Variants in WWC1 observed in about 807,000 individuals in gnomAD.
The protein encoded by WWC1 is WW and C2 domain containing 1.
Under a neutral mutation model 138.4 loss-of-function variants are expected in WWC1, and 55 were observed. The ratio of observed to expected loss-of-function variants is 0.40; its 90% confidence interval spans 0.32 to 0.50. The LOEUF (loss-of-function observed/expected upper bound fraction) is 0.50. WWC1 is among the 20% of genes least tolerant of loss of function. The pLI is 0.72. For missense variants in WWC1, 1,226 were observed against 1,420.4 expected (o/e 0.86, Z 2.20); for synonymous variants, 524 against 564.9 (o/e 0.93, Z 1.03).
At chr5:168,302,492 G>A (rs1770179348) in intron 1 of WWC1, among the ~76,000 whole-genome samples, 1 of 152,134 alleles carries the variant, frequency 6.6e-6, no homozygotes, top group African/African-American at 2.4e-5. Context: ...GGACAGACCT[G>A]GTGACACCTG....
chr5:168,366,651 T>A (rs1403881336), intron 1 of WWC1, among the ~76,000 whole-genome samples: 1 of 152,098 alleles, frequency 6.6e-6, no homozygotes, highest in Non-Finnish European at 1.5e-5. Flanking sequence ...GGCTCTGACA[T>A]CTCAACGTGT....
chr5:168,380,687 G>A (rs1178618237), intron 2 of WWC1, among the ~76,000 whole-genome samples: 3 of 152,092 alleles, frequency 2.0e-5, no homozygotes, highest in African/African-American at 7.2e-5. Context: ...TTTTGTCCAA[G>A]AGAAGTGAAA....
chr5:168,302,786 T>G (rs942234781), intron 1 of WWC1, among the ~76,000 whole-genome samples: 5 of 152,204 alleles, frequency 3.3e-5, no homozygotes, highest in Non-Finnish European at 7.3e-5. Context: ...ATTTGTTGGA[T>G]AGTGTACCTG....
intron 15 of WWC1, among the ~76,000 whole-genome samples, chr5:168,438,183 C>T (rs1252562164): frequency 6.6e-6 from 1 of 152,158 alleles, no homozygotes; most frequent in African/African-American, 2.4e-5. Context: ...CTCTCAGAAA[C>T]CACCTTTCAC....
At chr5:168,360,850 A>G (rs1775829642) in intron 1 of WWC1, among the ~76,000 whole-genome samples, 1 of 152,372 alleles carries the variant, frequency 6.6e-6, no homozygotes, top group African/African-American at 2.4e-5. Context: ...CTCAAGGAGC[A>G]GAAGATTCTG....
chr5:168,296,151 G>A (rs1769522799), intron 1 of WWC1, among the ~76,000 whole-genome samples: 1 of 152,232 alleles, frequency 6.6e-6, no homozygotes. Context: ...TGTTCTCGGA[G>A]GAAGAATAGA....
At chr5:168,305,803 C>G (rs891314790) in intron 1 of WWC1, among the ~76,000 whole-genome samples, 1 of 152,124 alleles carries the variant, frequency 6.6e-6, no homozygotes, top group African/African-American at 2.4e-5. Flanking sequence ...CATGCCTGGC[C>G]CACCCCCAAA....
At chr5:168,397,164 A>C (rs1778965705) in intron 3 of WWC1, among the ~76,000 whole-genome samples, 1 of 146,058 alleles carries the variant, frequency 6.8e-6, no homozygotes, top group African/African-American at 2.5e-5. Context: ...TTTTTTTGAG[A>C]TGGAGTCTCG....
At chr5:168,357,755 C>T (rs1465646857) in intron 1 of WWC1, among the ~76,000 whole-genome samples, 2 of 152,120 alleles carry the variant, frequency 1.3e-5, no homozygotes, top group Non-Finnish European at 2.9e-5. Flanking sequence ...TTCATGTTGA[C>T]TTGCAGGTAG....
At position 168,385,428 on chromosome 5, in the gene WWC1, A is replaced by G; in HGVS notation, c.433+14A>G. On this transcript the variant is annotated intron_variant, in intron 3 of 22. Transcript: ENST00000265293. ...CCCAGGTCAGCTGTGAGTACCTCCC[A>G]CTACCACCACCCCCACCGACACCAA... 2 of 1,611,708 alleles carry G rather than the reference A, an allele frequency of 1.2e-6. No individual in the cohort carries two copies. The highest frequency in any genetic ancestry group is 1.7e-6 in the Non-Finnish European group (2 of 1,179,250).
chr5:168,344,428 T>C (rs1425505895), intron 1 of WWC1, among the ~76,000 whole-genome samples: 1 of 152,242 alleles, frequency 6.6e-6, no homozygotes, highest in Non-Finnish European at 1.5e-5. Context: ...GGCTCGGTTT[T>C]CTCATCTGTA....
rs1398691549 is a variant in WWC1 at position 168,423,546 on chromosome 5, A to G, written c.1288A>G (p.Met430Val). The part of the protein sequence containing the change: ...HSQLKSLSSS[M>V]QSLSSGSSPG... ...CCTGTGTCCCAGTCTCTCAAGCAGC[A>G]TGCAGTCCCTGTCCTCAGGCAGCAG... The change falls in exon 11 of 23, where the codon ATG becomes GTG. Residue 430 changes from methionine to valine, a missense_variant. By Grantham distance (21) the Met-to-Val change is conservative (BLOSUM62 1). Around this residue, in one of 3 missense-constraint regions of WWC1, gnomAD observed 1,016 missense variants for 1,153.9 expected, o/e 0.88. Coordinates refer to ENST00000265293, the MANE Select transcript of WWC1 (RefSeq NM_015238.3). The G allele has an allele frequency of 1.2e-6, 2 of 1,611,976 alleles. No individual in the cohort carries two copies. The highest frequency in any genetic ancestry group is 1.7e-6 in the Non-Finnish European group (2 of 1,179,042).
chr5:168,312,377 T>G (rs1195169227), intron 1 of WWC1, among the ~76,000 whole-genome samples: 5 of 152,196 alleles, frequency 3.3e-5, no homozygotes, highest in African/African-American at 1.2e-4. Context: ...ACAGGGGGAT[T>G]GAGTAATTTG....
At chr5:168,324,705 C>T (rs1310415620) in intron 1 of WWC1, among the ~76,000 whole-genome samples, 1 of 151,282 alleles carries the variant, frequency 6.6e-6, no homozygotes, top group Non-Finnish European at 1.5e-5. Context: ...ATCAATAATT[C>T]AGTAAAAGTA....
chr5:168,455,347 C>T lies in WWC1; in HGVS notation c.2659-9C>T. ...CACTGGTGGCTTCAAGGTGTGACTTCTTCCTCAGGTGGACAAAGAGACCAA... is the reference window on the plus strand; with the variant it reads ...CACTGGTGGCTTCAAGGTGTGACTTTTTCCTCAGGTGGACAAAGAGACCAA... On this transcript the variant is annotated splice_polypyrimidine_tract_variant and intron_variant, in intron 18 of 22. Transcript: ENST00000265293. The T allele has an allele frequency of 6.4e-7, 1 of 1,563,098 alleles. No individual in the cohort carries two copies. The highest frequency in any genetic ancestry group is 8.6e-7 in the Non-Finnish European group (1 of 1,158,726).
At chr5:168,456,359 G>A (rs556548834) in intron 19 of WWC1, among the ~76,000 whole-genome samples, 12 of 151,916 alleles carry the variant, frequency 7.9e-5, no homozygotes, top group South Asian at 2.1e-4. Context: ...AAACCTGGGC[G>A]CAGTGGCTCA....
At chr5:168,326,507 G>A (rs9313404) in intron 1 of WWC1, among the ~76,000 whole-genome samples, 2,785 of 151,946 alleles carry the variant, frequency 0.018, 91 homozygotes, top group African/African-American at 0.063. Flanking sequence ...ATGAGCCACC[G>A]TGCCCGGCCC....
At chr5:168,404,934 A>G (rs1226069488) in intron 5 of WWC1, among the ~76,000 whole-genome samples, 2 of 145,742 alleles carry the variant, frequency 1.4e-5, no homozygotes, top group South Asian at 2.2e-4. Flanking sequence ...ATGAACCTGT[A>G]TGTAGGGCCT....
chr5:168,411,127 C>T (rs1780207937), intron 8 of WWC1, among the ~76,000 whole-genome samples: 1 of 151,948 alleles, frequency 6.6e-6, no homozygotes, highest in South Asian at 2.1e-4. Context: ...CGGGGTTTCA[C>T]CGTGTTAGCC....
Sources: allele counts gnomAD v4.1 joint callset (sites outside exome capture counted in the v4.1 genomes callset), GRCh38; gene constraint gnomAD v4.1.1; regional missense constraint gnomAD v4.1.1; transcripts MANE v1.5; gene names NCBI Gene and HGNC (gene_info 2026-07-23, HGNC 2026-07-21).